FAM184A: variants seen among roughly 807,000 people sequenced by gnomAD.
FAM184A encodes protein FAM184A.
A neutral mutation model predicts 143.8 loss-of-function variants in FAM184A; 99 were observed. That is an observed-to-expected ratio of 0.69 (90% confidence interval 0.58 to 0.81). FAM184A has a LOEUF of 0.81. FAM184A is among the 40% of genes least tolerant of loss of function. FAM184A has a pLI of 0.00. For synonymous variants in FAM184A, 427 were observed against 446.4 expected (o/e 0.96, Z 0.55); for missense variants, 1,217 against 1,310.5 (o/e 0.93, Z 1.10).
At chr6:119,046,224 AC>A (rs1786526759) in intron 1 of FAM184A, among the ~76,000 whole-genome samples, 3 of 145,568 alleles carry the variant, frequency 2.1e-5, no homozygotes. Flanking sequence ...GAAAATGTAT[AC>A]CTTTTTTTTT....
intron 17 of FAM184A, 67 bp from the exon 18 acceptor site, chr6:118,960,251 A>G (rs987653892): frequency 1.6e-6 from 2 of 1,289,760 alleles, no homozygotes; most frequent in African/African-American, 1.5e-5. Flanking sequence ...AGGCAAAAGC[A>G]CATAAAACAT....
At chr6:119,054,997 A>G (rs1233709014) in intron 1 of FAM184A, among the ~76,000 whole-genome samples, 1 of 151,946 alleles carries the variant, frequency 6.6e-6, no homozygotes, top group Non-Finnish European at 1.5e-5. Context: ...AAATTCCATA[A>G]TATTTTCATT....
intron 1 of FAM184A, among the ~76,000 whole-genome samples, chr6:119,036,603 A>G (rs1786123445): frequency 1.3e-5 from 2 of 152,068 alleles, no homozygotes; most frequent in African/African-American, 4.8e-5. Context: ...AAGTCCTACT[A>G]TACAGCTATG....
At chr6:119,009,139 G>T (rs35375291) in intron 6 of FAM184A, among the ~76,000 whole-genome samples, 24,589 of 152,130 alleles carry the variant, frequency 0.16, 1,973 homozygotes, top group Non-Finnish European at 0.18. Flanking sequence ...TTGCTGTGAG[G>T]ATTAAAGGAG....
rs148439015 is a variant in FAM184A at position 119,041,817 on chromosome 6, G to A, written c.160-17004C>T. 9.2e-5 allele frequency among the ~76,000 whole-genome samples: 14 copies of A among 152,278 alleles called. No individual in the cohort carries two copies. In the East Asian group the frequency reaches 1.2e-3, roughly 13 times the overall value. ...ATTGGTCCTGCACGGCTAAGTGCCC[G>A]GGTTCGTCCTAATCGAGCTGAACAC... is the stretch of plus-strand genomic sequence containing the variant. On this transcript the variant is annotated intron_variant, in intron 1 of 17. Coordinates refer to ENST00000338891, the MANE Select transcript of FAM184A (RefSeq NM_024581.6).
At chr6:119,133,662 G>T (rs1489575622) in intron 1 of FAM184A, among the ~76,000 whole-genome samples, 1 of 152,036 alleles carries the variant, frequency 6.6e-6, no homozygotes, top group African/African-American at 2.4e-5. Flanking sequence ...AGCTGAAGAA[G>T]GCTGACCGTT....
chr6:119,027,925 T>TC (rs1785721528), intron 1 of FAM184A, among the ~76,000 whole-genome samples: 1 of 152,174 alleles, frequency 6.6e-6, no homozygotes. Context: ...AAACAAAGCT[T>TC]CCCTTCCTTA....
At position 119,024,493 on chromosome 6, in the gene FAM184A, C is replaced by T. The variant is rs778831224; in HGVS notation, c.480G>A (p.Glu160=). 5.0e-6 allele frequency: 8 copies of T among 1,613,516 alleles called. No individual in the cohort carries two copies. Among genetic ancestry groups the T allele is most frequent in the East Asian group, 4.5e-5 (2 of 44,900 alleles). ...ATTTTTCTTCAAATTTCCTTCTAAT[C>T]TCTTCGACTTCTCTAGACATGGTCA... The part of the protein sequence containing the change: ...RIVTMSREVE[E]IRRKFEEKLR... Residue 160 remains glutamate, a synonymous_variant, in exon 2 of 18, where the codon GAG becomes GAA. Transcript: ENST00000338891.
At chr6:119,141,036 C>T (rs960854644) in intron 1 of FAM184A, among the ~76,000 whole-genome samples, 3 of 152,134 alleles carry the variant, frequency 2.0e-5, no homozygotes, top group Non-Finnish European at 2.9e-5. Flanking sequence ...TTATATGACC[C>T]GGAGTAGGTG....
intron 1 of FAM184A, among the ~76,000 whole-genome samples, chr6:119,106,090 C>A (rs1482626205): frequency 6.6e-6 from 1 of 152,170 alleles, no homozygotes; most frequent in African/African-American, 2.4e-5. Flanking sequence ...AAAAGAAATG[C>A]TATTAAAAAA....
upstream of FAM184A, among the ~76,000 whole-genome samples, chr6:119,079,949 T>G (rs566568504): frequency 6.6e-6 from 1 of 152,216 alleles, no homozygotes; most frequent in African/African-American, 2.4e-5. Context: ...AGGTTCTGAA[T>G]GGAGCATATG....
chr6:119,106,670 G>T (rs1284031295), intron 1 of FAM184A, among the ~76,000 whole-genome samples: 1 of 152,130 alleles, frequency 6.6e-6, no homozygotes, highest in Non-Finnish European at 1.5e-5. Context: ...TAACTGGAAG[G>T]GCTTCGGTAA....
intron 16 of FAM184A, chr6:118,962,755 A>C (rs1346853516): frequency 1.3e-5 from 2 of 152,142 alleles, no homozygotes; most frequent in African/African-American, 4.8e-5. Context: ...TCAGCTTGCA[A>C]TTCACTAACT....
chr6:119,040,267 G>A (rs1291979791), intron 1 of FAM184A, among the ~76,000 whole-genome samples: 1 of 152,134 alleles, frequency 6.6e-6, no homozygotes, highest in Non-Finnish European at 1.5e-5. Context: ...CCGGTAACTC[G>A]GGGTACCTCA....
At chr6:119,140,716 TCC>T (rs1772205291) in intron 1 of FAM184A, among the ~76,000 whole-genome samples, 1 of 152,082 alleles carries the variant, frequency 6.6e-6, no homozygotes, top group African/African-American at 2.4e-5. Flanking sequence ...AAATTGAGTC[TCC>T]TTTCCCACAC....
At chr6:119,090,756 C>G (rs570444462) in intron 1 of FAM184A, among the ~76,000 whole-genome samples, 7 of 152,172 alleles carry the variant, frequency 4.6e-5, no homozygotes, top group African/African-American at 1.7e-4. Flanking sequence ...TTTTTTTTAC[C>G]CTTGGTGAGC....
chr6:119,116,148 T>C (rs565789859), intron 1 of FAM184A, among the ~76,000 whole-genome samples: 1 of 152,226 alleles, frequency 6.6e-6, no homozygotes, highest in East Asian at 1.9e-4. Flanking sequence ...AGAGAGAGCA[T>C]GGCTTTTTGT....
chr6:119,005,955 T>G, intron 7 of FAM184A: 1 of 591,224 alleles, frequency 1.7e-6, no homozygotes, highest in Middle Eastern at 2.6e-4. Flanking sequence ...TCGGTTGAAC[T>G]GGGTCCCCAA....
At chr6:119,001,464 G>A (rs1265064373) in intron 9 of FAM184A, among the ~76,000 whole-genome samples, 1 of 151,958 alleles carries the variant, frequency 6.6e-6, no homozygotes, top group East Asian at 1.9e-4. Flanking sequence ...GCAAAAACTG[G>A]AGCTAATATG....
Sources: gnomAD v4.1 joint callset for allele counts (sites outside exome capture counted in the v4.1 genomes callset) on GRCh38, gnomAD v4.1.1 for gene constraint, MANE v1.5 for transcripts, NCBI Gene and HGNC (gene_info 2026-07-23, HGNC 2026-07-21) for gene names.